The following IFT52 variants were observed in gnomAD, a reference collection of about 807,000 sequenced individuals.
IFT52 encodes the protein intraflagellar transport 52.
Under a neutral mutation model 54.4 loss-of-function variants are expected in IFT52, and 44 were observed. The observed-to-expected ratio is 0.81, with a 90% CI of 0.63 to 1.04. The LOEUF is 1.04. IFT52 is among the 50% of genes least tolerant of loss of function. IFT52 has a pLI of 0.00. For synonymous variants in IFT52, 181 were observed against 185.3 expected (o/e 0.98, Z 0.19); for missense variants, 452 against 523.6 (o/e 0.86, Z 1.33).
At chr20:43,622,442 CAA>C (rs11476747) in intron 9 of IFT52, among the ~76,000 whole-genome samples, 17 of 148,326 alleles carry the variant, frequency 1.1e-4, no homozygotes, top group Non-Finnish European at 1.8e-4. Flanking sequence ...ACTAAAAATA[CAA>C]AAAAAAAAAT....
chr20:43,617,388 A>AT lies in IFT52; in HGVS notation c.613-1547dup, dbSNP rs1350790689. Among the ~76,000 whole-genome samples, 8 of 150,728 alleles carry AT rather than the reference A, an allele frequency of 5.3e-5. No individual in the cohort carries two copies. The East Asian group carries it at 1.5e-3, about 29-fold the overall frequency. On this transcript the variant is annotated intron_variant, in intron 7 of 13. Transcript: ENST00000373030. The stretch of plus-strand genomic sequence containing the variant: ...TTGTTAAAAGTTACAAGTATTGAAA[A>AT]TTTTTCTTATTAACCAGTCATTATT...
intron 6 of IFT52, among the ~76,000 whole-genome samples, chr20:43,611,638 A>G (rs1220541033): frequency 6.6e-6 from 1 of 151,596 alleles, no homozygotes; most frequent in Non-Finnish European, 1.5e-5. Context: ...GGGCTTCACC[A>G]TGTTGGCCAG....
intron 12 of IFT52, among the ~76,000 whole-genome samples, chr20:43,641,483 C>A (rs546022500): frequency 1.3e-5 from 2 of 151,352 alleles, no homozygotes; most frequent in African/African-American, 4.9e-5. Flanking sequence ...GATGATCCAC[C>A]TGCCTCAGCC....
intron 10 of IFT52, among the ~76,000 whole-genome samples, chr20:43,635,306 T>A (rs139889824): frequency 3.9e-5 from 6 of 152,332 alleles, no homozygotes; most frequent in Middle Eastern, 3.4e-3. Context: ...TTCTTTTTTT[T>A]TGAGACAGAA....
At chr20:43,621,227 A>G (rs1214606082) in intron 9 of IFT52, among the ~76,000 whole-genome samples, 1 of 152,228 alleles carries the variant, frequency 6.6e-6, no homozygotes, top group Non-Finnish European at 1.5e-5. Context: ...GCAGAAAAAT[A>G]CTTTTTTCAG....
At chr20:43,629,342 G>A (rs938159642) in intron 10 of IFT52, among the ~76,000 whole-genome samples, 2 of 70,386 alleles carry the variant, frequency 2.8e-5, no homozygotes, top group African/African-American at 7.6e-5. Context: ...GCGCCATCTC[G>A]ACTCACTGCA....
chr20:43,611,822 G>A (rs1398793297), intron 6 of IFT52, among the ~76,000 whole-genome samples: 2 of 151,962 alleles, frequency 1.3e-5, no homozygotes, highest in Non-Finnish European at 2.9e-5. Flanking sequence ...CTGAGGTCAG[G>A]AGTTTGAGAC....
intron 1 of IFT52, 56 bp from the exon 2 acceptor site, chr20:43,594,637 T>C (rs563044236): frequency 2.1e-6 from 2 of 962,802 alleles, no homozygotes; most frequent in South Asian, 2.7e-5. Flanking sequence ...TTTATTACTT[T>C]TAGGGTCTTT....
At chr20:43,601,590 T>C (rs1465165290) in intron 3 of IFT52, among the ~76,000 whole-genome samples, 1 of 152,202 alleles carries the variant, frequency 6.6e-6, no homozygotes, top group Non-Finnish European at 1.5e-5. Context: ...TAGATACCAA[T>C]AACTACTATA....
At chr20:43,605,136 A>T in intron 6 of IFT52, 63 bp downstream of exon 6, 1 of 1,587,156 alleles carries the variant, frequency 6.3e-7, no homozygotes, top group East Asian at 2.2e-5. Flanking sequence ...CTTTTTCAAA[A>T]TGAAAAGAGC....
chr20:43,615,814 C>A (rs557454531), intron 7 of IFT52, among the ~76,000 whole-genome samples: 1 of 152,080 alleles, frequency 6.6e-6, no homozygotes, highest in African/African-American at 2.4e-5. Context: ...TGGTGGCACG[C>A]GCCTGTAATC....
In IFT52 at chr20:43,637,238, C is replaced by A; in HGVS notation, c.1105C>A (p.Gln369Lys). 6.4e-7 allele frequency: 1 copy of A among 1,569,420 alleles called. No homozygotes were observed. The stretch of plus-strand genomic sequence containing the variant: ...CTCCTCTGAGAAGGCACGGCTGGCT[C>A]AGATTACCAATAAGTGTAAGTTTGG... ...TFSSEKARLA[Q>K]ITNKCTEEDL... Residue 369 changes from glutamine to lysine, a missense_variant, in exon 12 of 14, where the codon CAG (glutamine) becomes AAG (lysine). Physicochemically the swap from Gln to Lys is moderately conservative, Grantham distance 53. Coordinates refer to ENST00000373030, the MANE Select transcript of IFT52 (RefSeq NM_016004.5).
intron 12 of IFT52, among the ~76,000 whole-genome samples, chr20:43,641,876 C>G (rs1332633332): frequency 6.6e-6 from 1 of 151,838 alleles, no homozygotes; most frequent in African/African-American, 2.4e-5. Context: ...TCACTGCAAC[C>G]TCCATCTCCC....
rs565431451 is a variant in IFT52 at position 43,595,369 on chromosome 20, C to T, written c.119+552C>T. 1.4e-3 allele frequency among the ~76,000 whole-genome samples: 210 copies of T among 145,522 alleles called. 1 individual carries two copies. Among genetic ancestry groups the T allele is most frequent in the African/African-American group, 5.1e-3 (199 of 39,174 alleles). On this transcript the variant is annotated intron_variant, in intron 2 of 13. Coordinates refer to ENST00000373030, the MANE Select transcript of IFT52 (RefSeq NM_016004.5). ...ATCAAGACCATCCTGGCCAACATGG[C>T]GAAACCCTGTCTCTACTAAAAATAC...
intron 10 of IFT52, among the ~76,000 whole-genome samples, chr20:43,625,764 T>A (rs553673749): frequency 1.3e-5 from 2 of 152,040 alleles, no homozygotes; most frequent in Non-Finnish European, 2.9e-5. Flanking sequence ...CTTTTTTGCC[T>A]CTGTAAGGAC....
intron 6 of IFT52, among the ~76,000 whole-genome samples, chr20:43,609,115 AC>A (rs1393690603): frequency 2.0e-5 from 3 of 151,470 alleles, no homozygotes; most frequent in Non-Finnish European, 4.4e-5. Context: ...GGTGGCACAC[AC>A]CCATAGGCCC....
chr20:43,637,427 T>C (rs1409255042), intron 12 of IFT52, among the ~76,000 whole-genome samples, 174 bp downstream of exon 12: 1 of 152,138 alleles, frequency 6.6e-6, no homozygotes, highest in African/African-American at 2.4e-5. Context: ...CACGCCCAGC[T>C]AATTTTTGTA....
intron 10 of IFT52, among the ~76,000 whole-genome samples, chr20:43,634,898 C>T (rs369565332): frequency 1.7e-4 from 26 of 151,978 alleles, no homozygotes; most frequent in Admixed American, 3.9e-4. Flanking sequence ...AGGCTGGGTG[C>T]GGTGGCTCAT....
At chr20:43,597,389 G>C (rs1168784910) in intron 3 of IFT52, among the ~76,000 whole-genome samples, 2 of 150,094 alleles carry the variant, frequency 1.3e-5, no homozygotes, top group African/African-American at 4.9e-5. Flanking sequence ...AAAAAAGAAA[G>C]AAAATAGGAA....
Sources: gnomAD v4.1 joint callset for allele counts (sites outside exome capture counted in the v4.1 genomes callset) on GRCh38, gnomAD v4.1.1 for gene constraint, MANE v1.5 for transcripts, NCBI Gene and HGNC (gene_info 2026-07-23, HGNC 2026-07-21) for gene names.